Variants in PPEF2 observed in about 807,000 individuals in gnomAD.
PPEF2 encodes serine/threonine-protein phosphatase with EF-hands 2.
A neutral mutation model predicts 84.7 loss-of-function variants in PPEF2; 84 were observed. The observed-to-expected ratio is 0.99, with a 90% CI of 0.83 to 1.19. The LOEUF is 1.19. Among genes scored for constraint, PPEF2 ranks in the 50% most tolerant of loss-of-function variants. The pLI is 0.00. For synonymous variants in PPEF2, 346 were observed against 345.2 expected (o/e 1.00, Z -0.03); for missense variants, 924 against 937.5 (o/e 0.99, Z 0.19).
At chr4:75,894,630 G>A (rs573252396) in intron 2 of PPEF2, among the ~76,000 whole-genome samples, 19 of 152,294 alleles carry the variant, frequency 1.2e-4, no homozygotes, top group Non-Finnish European at 2.2e-4. Context: ...CTCAGGAGCT[G>A]GGGTTTAACA....
chr4:75,887,183 G>A (rs917003225), intron 6 of PPEF2, among the ~76,000 whole-genome samples: 1 of 152,200 alleles, frequency 6.6e-6, no homozygotes, highest in African/African-American at 2.4e-5. Context: ...ACCTAGATGA[G>A]AACTGGAGAG....
At chr4:75,898,764 A>G (rs2149231625) in intron 1 of PPEF2, among the ~76,000 whole-genome samples, 1 of 152,326 alleles carries the variant, frequency 6.6e-6, no homozygotes, top group South Asian at 2.1e-4. Flanking sequence ...TTTATGGGAT[A>G]CAATGTGATA....
chr4:75,891,562 G>A (rs967784021), intron 4 of PPEF2, 86 bp downstream of exon 4: 2 of 1,433,688 alleles, frequency 1.4e-6, no homozygotes, highest in African/African-American at 2.9e-5. Context: ...CAGATTCACG[G>A]TTTCACTCCC....
intron 13 of PPEF2, among the ~76,000 whole-genome samples, chr4:75,868,274 CCACTG>C (rs1724182218): frequency 7.2e-6 from 1 of 139,594 alleles, no homozygotes; most frequent in African/African-American, 2.7e-5. Context: ...CAAGATCACA[CCACTG>C]CACTCCAGCC....
At chr4:75,888,690 C>G (rs893185980) in intron 5 of PPEF2, among the ~76,000 whole-genome samples, 1 of 152,170 alleles carries the variant, frequency 6.6e-6, no homozygotes, top group Non-Finnish European at 1.5e-5. Context: ...TGGAATATAT[C>G]AGCTCAGCTC....
At chr4:75,883,642 C>A (rs1724637674) in intron 8 of PPEF2, 1 of 167,624 alleles carries the variant, frequency 6.0e-6, no homozygotes, top group South Asian at 1.5e-4. Context: ...CACGGTGAAA[C>A]CCCGTCTCTA....
At chr4:75,877,417 GAGAA>G (rs1156837739) in intron 10 of PPEF2, among the ~76,000 whole-genome samples, 3 of 151,784 alleles carry the variant, frequency 2.0e-5, no homozygotes, top group Non-Finnish European at 4.4e-5. Context: ...AAGAAAGAGA[GAGAA>G]AGGAAGGAAA....
chr4:75,876,147 A>T, intron 11 of PPEF2, 140 bp downstream of exon 11: 1 of 1,084,230 alleles, frequency 9.2e-7, no homozygotes, highest in Non-Finnish European at 1.3e-6. Flanking sequence ...GTCATTAGGC[A>T]AATACTAGTG....
At chr4:75,882,020 T>C (rs1272057624) in intron 10 of PPEF2, 1 of 152,196 alleles carries the variant, frequency 6.6e-6, no homozygotes, top group Non-Finnish European at 1.5e-5. Context: ...GAGTTAAGTG[T>C]AAGAAAATAG....
intron 16 of PPEF2, among the ~76,000 whole-genome samples, chr4:75,863,377 G>C (rs1463293208): frequency 2.0e-5 from 3 of 151,480 alleles, no homozygotes; most frequent in African/African-American, 7.3e-5. Flanking sequence ...GCACACGCCT[G>C]TAGTCCTAGC....
chr4:75,874,941 G>A (rs1421724551), intron 11 of PPEF2, among the ~76,000 whole-genome samples: 7 of 142,812 alleles, frequency 4.9e-5, no homozygotes, highest in African/African-American at 1.3e-4. Flanking sequence ...TCGCTCTGTC[G>A]CCCAGGATGA....
At chr4:75,888,791 A>G (rs1002742268) in intron 5 of PPEF2, among the ~76,000 whole-genome samples, 1 of 152,182 alleles carries the variant, frequency 6.6e-6, no homozygotes, top group African/African-American at 2.4e-5. Flanking sequence ...CCTCTACCCT[A>G]CCATCAGAGT....
intron 10 of PPEF2, among the ~76,000 whole-genome samples, chr4:75,882,539 C>CTTTTAT (rs1724604185): frequency 6.7e-6 from 1 of 148,924 alleles, no homozygotes; most frequent in Non-Finnish European, 1.5e-5. Context: ...GGTTCTCAAT[C>CTTTTAT]TTTTTTTTTT....
At chr4:75,875,133 C>T (rs1724377078) in intron 11 of PPEF2, among the ~76,000 whole-genome samples, 1 of 151,942 alleles carries the variant, frequency 6.6e-6, no homozygotes, top group Non-Finnish European at 1.5e-5. Flanking sequence ...TCTCTATCTC[C>T]TGACCTCGTG....
In PPEF2 at chr4:75,876,376, C is replaced by A. The variant is rs554298761; in HGVS notation, c.1231G>T (p.Gly411Ter). 1 of 1,613,986 alleles carries A rather than the reference C, an allele frequency of 6.2e-7. No individual in the cohort carries two copies. The highest frequency in any genetic ancestry group is 1.3e-5 in the African/African-American group (1 of 74,930). The change falls in exon 11 of 17, where the codon GGA becomes TGA. Residue 411 changes from glycine to a stop codon, truncating the protein, a stop_gained. Coordinates refer to ENST00000286719, the MANE Select transcript of PPEF2 (RefSeq NM_006239.3). LOFTEE classifies it high-confidence loss of function. ...CRQQAGLLVT[G>*]EKEEPSRSAS... Reference sequence around the variant, plus strand: ...GAGCGGGAGGGCTCCTCTTTCTCTCCGGTCACCAGGAGGCCTGCTTGCTGC... The same window carrying A: ...GAGCGGGAGGGCTCCTCTTTCTCTCAGGTCACCAGGAGGCCTGCTTGCTGC...
chr4:75,884,770 AAGG>A lies in PPEF2; in HGVS notation c.580-13_580-11del. ...GCGACGGGAGGCCATTCTTTTCAAC[AAGG>A]AGACCAGTGAAAGAATGAATGGGAG... On this transcript the variant is annotated splice_polypyrimidine_tract_variant and intron_variant, in intron 7 of 16. Coordinates refer to ENST00000286719, the MANE Select transcript of PPEF2 (RefSeq NM_006239.3). 6.4e-7 allele frequency: 1 copy of A among 1,565,572 alleles called. No individual in the cohort carries two copies. Among genetic ancestry groups the A allele is most frequent in the Non-Finnish European group, 8.6e-7 (1 of 1,158,146 alleles).
At chr4:75,888,460 G>T in intron 5 of PPEF2, 132 bp from the exon 6 acceptor site, 1 of 613,668 alleles carries the variant, frequency 1.6e-6, no homozygotes, top group Admixed American at 2.7e-5. Context: ...CTGCTCCTGG[G>T]ACTATGCACG....
At chr4:75,892,531 C>T (rs1165486341) in intron 2 of PPEF2, among the ~76,000 whole-genome samples, 2 of 151,066 alleles carry the variant, frequency 1.3e-5, no homozygotes, top group African/African-American at 5.0e-5. Context: ...AAACAATAAA[C>T]GAATACTCAA....
At chr4:75,884,505 G>C in intron 8 of PPEF2, 89 bp downstream of exon 8, 1 of 1,367,908 alleles carries the variant, frequency 7.3e-7, no homozygotes, top group Non-Finnish European at 9.9e-7. Context: ...AGTTTTAAAG[G>C]CATTTAACAA....
Sources: allele counts gnomAD v4.1 joint callset (sites outside exome capture counted in the v4.1 genomes callset), GRCh38; gene constraint gnomAD v4.1.1; transcripts MANE v1.5; gene names NCBI Gene and HGNC (gene_info 2026-07-23, HGNC 2026-07-21).